KCNIP4: variants seen among roughly 807,000 people sequenced by gnomAD.
The protein encoded by KCNIP4 is Kv channel-interacting protein 4.
Under a neutral mutation model 34.0 loss-of-function variants are expected in KCNIP4, and 12 were observed. The ratio of observed to expected loss-of-function variants is 0.35; its 90% CI spans 0.23 to 0.57. The LOEUF (loss-of-function observed/expected upper bound fraction) is 0.57. Among genes scored for constraint, KCNIP4 ranks in the 20% least tolerant of loss-of-function variants. The pLI is 0.83. For missense variants in KCNIP4, 238 were observed against 311.7 expected (o/e 0.76, Z 1.78); for synonymous variants, 124 against 102.2 (o/e 1.21, Z -1.29).
intron 3 of KCNIP4, among the ~76,000 whole-genome samples, chr4:20,845,122 A>G (rs1006305143): frequency 6.6e-6 from 1 of 152,086 alleles, no homozygotes; most frequent in African/African-American, 2.4e-5. Flanking sequence ...CCTCATCTTG[A>G]GTGCTGAGAT....
At chr4:20,837,594 C>T (rs1315537989) in intron 3 of KCNIP4, among the ~76,000 whole-genome samples, 2 of 149,430 alleles carry the variant, frequency 1.3e-5, no homozygotes, top group African/African-American at 4.9e-5. Context: ...ATGTACTGAA[C>T]TTGAAAAATT....
At chr4:21,492,225 C>CT (rs1553891496) in intron 1 of KCNIP4, among the ~76,000 whole-genome samples, 40 of 151,288 alleles carry the variant, frequency 2.6e-4, no homozygotes, top group African/African-American at 5.8e-4. Context: ...TATACATATA[C>CT]TTTTTTGTTT....
chr4:21,224,396 C>T (rs1437869050), intron 1 of KCNIP4, among the ~76,000 whole-genome samples: 1 of 151,630 alleles, frequency 6.6e-6, no homozygotes, highest in Non-Finnish European at 1.5e-5. Flanking sequence ...GGGCCCCACC[C>T]TCATGACCTA....
chr4:21,502,433 A>C (rs1208318871), intron 1 of KCNIP4, among the ~76,000 whole-genome samples: 1 of 150,556 alleles, frequency 6.6e-6, no homozygotes, highest in Non-Finnish European at 1.5e-5. Flanking sequence ...GAGAGATGTC[A>C]AACAATCTTT....
chr4:21,244,914 A>G (rs1249528424), intron 1 of KCNIP4, among the ~76,000 whole-genome samples: 1 of 152,244 alleles, frequency 6.6e-6, no homozygotes, highest in Non-Finnish European at 1.5e-5. Flanking sequence ...TTTATAAAAA[A>G]GTATTAAATG....
chr4:21,321,705 G>A (rs1714434799), intron 1 of KCNIP4, among the ~76,000 whole-genome samples: 1 of 150,042 alleles, frequency 6.7e-6, no homozygotes, highest in South Asian at 2.1e-4. Context: ...AGAGAAGGAA[G>A]GAGAGAAGGA....
intron 1 of KCNIP4, among the ~76,000 whole-genome samples, chr4:21,618,125 T>A (rs1369820480): frequency 6.6e-6 from 1 of 152,188 alleles, no homozygotes; most frequent in Admixed American, 6.5e-5. Context: ...AGGAATATAT[T>A]TGTTTTACAT....
At chr4:21,812,627 T>C (rs1443211051) in intron 1 of KCNIP4, among the ~76,000 whole-genome samples, 1 of 152,142 alleles carries the variant, frequency 6.6e-6, no homozygotes, top group Non-Finnish European at 1.5e-5. Context: ...CAAACTCAAA[T>C]TGCAAAAAAT....
At chr4:21,941,239 AT>A (rs1345147083) in intron 1 of KCNIP4, among the ~76,000 whole-genome samples, 1 of 152,126 alleles carries the variant, frequency 6.6e-6, no homozygotes, top group Non-Finnish European at 1.5e-5. Flanking sequence ...AAATAATAAG[AT>A]TTTCAGACAT....
At chr4:21,482,003 G>A (rs1731469516) in intron 1 of KCNIP4, among the ~76,000 whole-genome samples, 1 of 151,980 alleles carries the variant, frequency 6.6e-6, no homozygotes, top group Non-Finnish European at 1.5e-5. Flanking sequence ...CCTGTATTGG[G>A]TGCATATATA....
chr4:21,516,028 A>G (rs1031867462), intron 1 of KCNIP4, among the ~76,000 whole-genome samples: 3 of 152,162 alleles, frequency 2.0e-5, no homozygotes, highest in African/African-American at 4.8e-5. Flanking sequence ...AGCTGCAAAG[A>G]GTAGTAGCTC....
At chr4:20,786,743 T>C (rs1042183441) in intron 3 of KCNIP4, among the ~76,000 whole-genome samples, 9 of 152,154 alleles carry the variant, frequency 5.9e-5, no homozygotes, top group African/African-American at 2.2e-4. Context: ...CAAGTGTTTT[T>C]TTTAGACTCT....
chr4:20,836,209 A>T (rs1308864706), intron 3 of KCNIP4, among the ~76,000 whole-genome samples: 1 of 152,156 alleles, frequency 6.6e-6, no homozygotes, highest in African/African-American at 2.4e-5. Context: ...GTCTCATCTT[A>T]TATCACCTTC....
intron 1 of KCNIP4, among the ~76,000 whole-genome samples, chr4:21,915,229 C>G (rs1011441696): frequency 2.6e-5 from 4 of 152,074 alleles, no homozygotes; most frequent in Non-Finnish European, 4.4e-5. Flanking sequence ...ATTTTACTCA[C>G]AAAATTGGCT....
chr4:21,337,387 A>G (rs1716282575), intron 1 of KCNIP4, among the ~76,000 whole-genome samples: 1 of 152,174 alleles, frequency 6.6e-6, no homozygotes, highest in African/African-American at 2.4e-5. Flanking sequence ...GGCTGATTCT[A>G]CAGTCACTTC....
chr4:21,847,627 A>C (rs1724103292), intron 1 of KCNIP4: 1 of 151,626 alleles, frequency 6.6e-6, no homozygotes, highest in African/African-American at 2.4e-5. Flanking sequence ...GTAATAATTA[A>C]ATTGTTTTTT....
At chr4:21,810,104 C>T (rs1721535092) in intron 1 of KCNIP4, among the ~76,000 whole-genome samples, 1 of 152,048 alleles carries the variant, frequency 6.6e-6, no homozygotes, top group African/African-American at 2.4e-5. Flanking sequence ...AGAAAGACAC[C>T]ATGAAGGTTG....
chr4:20,827,040 G>A (rs1027287989), intron 3 of KCNIP4, among the ~76,000 whole-genome samples: 1 of 152,094 alleles, frequency 6.6e-6, no homozygotes, highest in African/African-American at 2.4e-5. Context: ...CTTGAAGCTG[G>A]GAAGACGTGT....
intron 1 of KCNIP4, among the ~76,000 whole-genome samples, chr4:21,879,527 T>C (rs1298822188): frequency 6.6e-6 from 1 of 152,222 alleles, no homozygotes; most frequent in African/African-American, 2.4e-5. Context: ...TTTAACTCAA[T>C]AGATCGACTT....
Sources: gnomAD v4.1 joint callset for allele counts (sites outside exome capture counted in the v4.1 genomes callset) on GRCh38, gnomAD v4.1.1 for gene constraint, MANE v1.5 for transcripts, NCBI Gene and HGNC (gene_info 2026-07-23, HGNC 2026-07-21) for gene names.